Variants in SYBU observed in about 807,000 individuals in gnomAD.
SYBU encodes GOLSYN A protein.
SYBU carries 21 observed loss-of-function variants against 35.9 expected under a neutral mutation model. That is an observed-to-expected ratio of 0.58 (90% CI 0.41 to 0.84). The LOEUF is 0.84. Ranked by LOEUF, SYBU falls within the 40% of genes least tolerant of loss-of-function variation. SYBU has a pLI of 0.00. For synonymous variants in SYBU, 319 were observed against 324.3 expected, an observed-to-expected ratio of 0.98 and a Z score of 0.18; for missense variants, 768 against 848.2, an observed-to-expected ratio of 0.91 and a Z score of 1.17.
At chr8:109,590,410 GT>G (rs11315086) in intron 3 of SYBU, among the ~76,000 whole-genome samples, 71,418 of 147,814 alleles carry the variant, frequency 0.48, 19,048 homozygotes, top group African/African-American at 0.74. Flanking sequence ...ATATACAGGT[GT>G]TTTTTTTTTT....
chr8:109,590,519 T>G (rs901165930), intron 3 of SYBU, among the ~76,000 whole-genome samples: 1 of 152,064 alleles, frequency 6.6e-6, no homozygotes, highest in Admixed American at 6.6e-5. Flanking sequence ...GATTGATGTT[T>G]AATTGACGGA....
At chr8:109,596,177 A>G (rs764693116) in intron 3 of SYBU, among the ~76,000 whole-genome samples, 77 of 152,320 alleles carry the variant, frequency 5.1e-4, no homozygotes, top group Admixed American at 1.2e-3. Flanking sequence ...CTATTTTTCT[A>G]TACGTGAATG....
At chr8:109,648,056 G>A (rs1416018637), upstream of SYBU, 1 of 152,030 alleles carries the variant, frequency 6.6e-6, no homozygotes, top group Non-Finnish European at 1.5e-5. Context: ...ATCTAATACA[G>A]CATAATATGG....
At chr8:109,605,638 C>T (rs1225206362) in intron 3 of SYBU, among the ~76,000 whole-genome samples, 2 of 152,144 alleles carry the variant, frequency 1.3e-5, no homozygotes, top group Non-Finnish European at 2.9e-5. Context: ...ACTCTTCATG[C>T]GTTTTAAAAT....
At chr8:109,578,795 T>TCTTTA (rs1822666486) in intron 5 of SYBU, among the ~76,000 whole-genome samples, 1 of 152,204 alleles carries the variant, frequency 6.6e-6, no homozygotes, top group Non-Finnish European at 1.5e-5. Flanking sequence ...CTGCACAGTG[T>TCTTTA]GCCACTGCCT....
At chr8:109,615,879 T>C (rs549495561) in intron 3 of SYBU, among the ~76,000 whole-genome samples, 4 of 152,110 alleles carry the variant, frequency 2.6e-5, no homozygotes, top group Non-Finnish European at 5.9e-5. Context: ...GGGTCCATAG[T>C]TTTAATGATT....
intron 2 of SYBU, 88 bp downstream of exon 2, chr8:109,642,640 G>C: frequency 1.2e-6 from 1 of 827,650 alleles, no homozygotes; most frequent in Non-Finnish European, 1.8e-6. Flanking sequence ...GTAGTTCTAG[G>C]CTATAAGGGA....
chr8:109,591,851 G>A (rs1824318770), intron 3 of SYBU, among the ~76,000 whole-genome samples: 1 of 151,890 alleles, frequency 6.6e-6, no homozygotes, highest in African/African-American at 2.4e-5. Flanking sequence ...TATAATAAGA[G>A]TAGTCACACC....
chr8:109,575,772 T>G lies in SYBU; in HGVS notation c.1126A>C (p.Met376Leu). 1 of 1,614,200 alleles carries G rather than the reference T, an allele frequency of 6.2e-7. No individual in the cohort carries two copies. Among genetic ancestry groups the G allele is most frequent in the South Asian group, 1.1e-5 (1 of 91,086 alleles). ...NKKLESLLQSMEMAHSGSLRD... is the reference protein window; with the variant it reads ...NKKLESLLQSLEMAHSGSLRD... ...AGAGAGCCACTGTGTGCCATCTCCA[T>G]GCTCTGAAGGAGAGACTCCAGCTTC... The change falls in exon 7 of 7, where the codon ATG (methionine) becomes CTG (leucine). Residue 376 changes from methionine to leucine, a missense_variant. Transcript: ENST00000276646.
chr8:109,676,706 T>C (rs1186975991), intron 1 of SYBU, among the ~76,000 whole-genome samples: 1 of 152,182 alleles, frequency 6.6e-6, no homozygotes, highest in Non-Finnish European at 1.5e-5. Context: ...GATTGAGAAT[T>C]CAACTGGAAT....
upstream of SYBU, among the ~76,000 whole-genome samples, chr8:109,682,134 G>A (rs114937141): frequency 8.8e-3 from 1,337 of 152,236 alleles, 27 homozygotes; most frequent in African/African-American, 0.031. Context: ...ACAGTAAATT[G>A]GTACCTGGAG....
chr8:109,663,048 T>C (rs1020924527), intron 1 of SYBU, among the ~76,000 whole-genome samples: 1 of 152,140 alleles, frequency 6.6e-6, no homozygotes, highest in African/African-American at 2.4e-5. Context: ...GAAACCTGGA[T>C]CCTAAGATAT....
In SYBU at chr8:109,672,998, C is replaced by A. The variant is rs547568781; in HGVS notation, c.-129+7713G>T. On this transcript the variant is annotated intron_variant, in intron 1 of 5. Coordinates refer to the SYBU transcript ENST00000408889. ...CCTCTTTGGGTTCCTCCTCTCTGGA[C>A]AGGGCATCTCTGAAAGAAAAGCAGC... 3.9e-5 allele frequency among the ~76,000 whole-genome samples: 6 copies of A among 152,350 alleles called. No individual in the cohort carries two copies. The South Asian group carries it at 1.2e-3, about 32-fold the overall frequency.
intron 3 of SYBU, among the ~76,000 whole-genome samples, chr8:109,616,011 T>C (rs1203957637): frequency 4.9e-5 from 5 of 101,412 alleles, no homozygotes; most frequent in Non-Finnish European, 9.9e-5. Context: ...TCTTTCTTTT[T>C]TTTTTTTTTT....
upstream of SYBU, among the ~76,000 whole-genome samples, chr8:109,685,860 C>G (rs3108834): frequency 9.4e-3 from 1,425 of 151,918 alleles, 7 homozygotes; most frequent in Non-Finnish European, 0.012. Flanking sequence ...TAAAAAATTA[C>G]GAAATGAAGA....
At chr8:109,676,995 C>A (rs1344962007) in intron 1 of SYBU, among the ~76,000 whole-genome samples, 1 of 151,838 alleles carries the variant, frequency 6.6e-6, no homozygotes, top group Non-Finnish European at 1.5e-5. Flanking sequence ...GTCTCTGAGT[C>A]TCCATTTCTC....
At chr8:109,666,309 TCCTTTGC>T (rs1472871342) in intron 1 of SYBU, among the ~76,000 whole-genome samples, 1 of 152,202 alleles carries the variant, frequency 6.6e-6, no homozygotes, top group African/African-American at 2.4e-5. Flanking sequence ...GTAGGGGCTG[TCCTTTGC>T]ATTGTAGGAT....
rs60330422 is a variant in SYBU at position 109,668,165 on chromosome 8, GGA to G, written c.-129+12544_-129+12545del. ...GAAGAAGAGGCAGAGGGGGAGAGGG[GGA>G]GAGAGAGAGAGAGAGAGAGAGAGAG... On this transcript the variant is annotated intron_variant, in intron 1 of 5. Transcript: ENST00000408889. 4.8e-3 allele frequency among the ~76,000 whole-genome samples: 429 copies of G among 89,010 alleles called. 4 individuals are homozygous for G. The highest frequency in any genetic ancestry group is 0.033 in the East Asian group (96 of 2,908). The allele number at this position is 89,010 out of a possible 152,430, so 58.4% of individuals were successfully genotyped here.
upstream of SYBU, chr8:109,644,852 C>G (rs1815440341): frequency 3.6e-6 from 2 of 560,852 alleles, no homozygotes; most frequent in Non-Finnish European, 5.9e-6. Flanking sequence ...GACCCCGCCC[C>G]GGCCGGACAC....
Sources: allele counts gnomAD v4.1 joint callset (sites outside exome capture counted in the v4.1 genomes callset), GRCh38; gene constraint gnomAD v4.1.1; transcripts MANE v1.5; gene names NCBI Gene and HGNC (gene_info 2026-07-23, HGNC 2026-07-21).